ARHGAP26: variants seen among roughly 807,000 people sequenced by gnomAD.
ARHGAP26 encodes Rho GTPase activating protein 26.
ARHGAP26 carries 38 observed loss-of-function variants against 104.8 expected under a neutral mutation model. That is an observed-to-expected ratio of 0.36 (90% CI 0.28 to 0.48). The LOEUF is 0.48. Among genes scored for constraint, ARHGAP26 ranks in the 20% least tolerant of loss-of-function variants. The probability of loss-of-function intolerance (pLI) is 0.99; values close to 1 mark genes in which losing one functional copy is unlikely to be tolerated. For synonymous variants in ARHGAP26, 341 were observed against 340.0 expected (o/e 1.00, Z -0.03); for missense variants, 704 against 947.9 (o/e 0.74, Z 3.38).
Position 143,012,339 on chromosome 5 carries a change from T to C in ARHGAP26, c.1108-1741T>C, listed in dbSNP as rs377307154. ...TGAGGCAATAGATGCCCAGAGAGGC[T>C]AAGAGACCCAGTGACACAAAGCAGC... On this transcript the variant is annotated intron_variant, in intron 11 of 22. Coordinates refer to ENST00000645722, the MANE Select transcript of ARHGAP26 (RefSeq NM_001135608.3). 2.3e-4 allele frequency among the ~76,000 whole-genome samples: 35 copies of C among 150,904 alleles called. 1 individual carries two copies. Among genetic ancestry groups the C allele is most frequent in the African/African-American group, 8.0e-4 (33 of 41,210 alleles).
chr5:142,940,480 A>G (rs933268641), intron 11 of ARHGAP26, among the ~76,000 whole-genome samples: 5 of 151,906 alleles, frequency 3.3e-5, no homozygotes, highest in African/African-American at 1.2e-4. Flanking sequence ...CCCGCCCTCC[A>G]CTGTCAAGTA....
At chr5:143,051,039 C>T (rs1784935777) in intron 14 of ARHGAP26, among the ~76,000 whole-genome samples, 1 of 152,108 alleles carries the variant, frequency 6.6e-6, no homozygotes, top group Non-Finnish European at 1.5e-5. Context: ...TAGCAGTTGC[C>T]TCTACCTTTT....
intron 20 of ARHGAP26, among the ~76,000 whole-genome samples, chr5:143,183,501 C>T (rs1045196132): frequency 2.0e-5 from 3 of 152,174 alleles, no homozygotes; most frequent in Non-Finnish European, 2.9e-5. Context: ...TTGGTGCTAA[C>T]CCACCGGGAG....
intron 10 of ARHGAP26, chr5:142,919,205 A>G (rs1469451008): frequency 2.5e-6 from 1 of 398,448 alleles, no homozygotes. Flanking sequence ...TTGTCCTTGT[A>G]AAAAGGGGAA....
At chr5:143,130,104 T>C (rs1797154610) in intron 18 of ARHGAP26, among the ~76,000 whole-genome samples, 1 of 152,162 alleles carries the variant, frequency 6.6e-6, no homozygotes, top group South Asian at 2.1e-4. Context: ...TGCTGCCCAC[T>C]GAATGAGAAG....
intron 10 of ARHGAP26, among the ~76,000 whole-genome samples, chr5:142,928,081 T>C (rs1310270408): frequency 6.6e-6 from 1 of 152,218 alleles, no homozygotes; most frequent in East Asian, 1.9e-4. Context: ...ATTACAGATA[T>C]CTTCTCTCAC....
intron 20 of ARHGAP26, 43 bp downstream of exon 20, chr5:143,147,424 C>T (rs1799302268): frequency 6.3e-7 from 1 of 1,586,814 alleles, no homozygotes. Context: ...GGGCTTTGGT[C>T]AGCCATTCCA....
intron 21 of ARHGAP26, among the ~76,000 whole-genome samples, chr5:143,207,699 C>T (rs1243507272): frequency 6.6e-6 from 1 of 152,248 alleles, no homozygotes; most frequent in Non-Finnish European, 1.5e-5. Context: ...ACCTCCTGAA[C>T]CAGACTCTGG....
intron 17 of ARHGAP26, among the ~76,000 whole-genome samples, chr5:143,090,869 A>G (rs1232516010): frequency 6.6e-6 from 1 of 152,212 alleles, no homozygotes; most frequent in African/African-American, 2.4e-5. Context: ...ATCTCCCCAG[A>G]TTAAATGGTC....
At chr5:143,130,300 T>C (rs761853116) in intron 18 of ARHGAP26, among the ~76,000 whole-genome samples, 3 of 152,252 alleles carry the variant, frequency 2.0e-5, no homozygotes, top group Non-Finnish European at 4.4e-5. Flanking sequence ...TTTACAATTT[T>C]ATTCCCCAAT....
At chr5:143,104,233 G>C (rs1233856832) in intron 17 of ARHGAP26, among the ~76,000 whole-genome samples, 1 of 152,114 alleles carries the variant, frequency 6.6e-6, no homozygotes, top group East Asian at 1.9e-4. Flanking sequence ...ATGCTGGCTA[G>C]GCACAGTGAC....
intron 1 of ARHGAP26, among the ~76,000 whole-genome samples, chr5:142,803,728 C>T (rs1185386013): frequency 6.6e-6 from 1 of 152,182 alleles, no homozygotes; most frequent in Non-Finnish European, 1.5e-5. Flanking sequence ...CTGGTGGCAT[C>T]TGGGGATGTG....
At chr5:143,141,007 T>G (rs1016934275) in intron 19 of ARHGAP26, among the ~76,000 whole-genome samples, 1 of 152,254 alleles carries the variant, frequency 6.6e-6, no homozygotes, top group Non-Finnish European at 1.5e-5. Context: ...CTGTAGCATG[T>G]GCCCTTTCTC....
At chr5:142,813,371 G>A (rs1372245441) in intron 1 of ARHGAP26, among the ~76,000 whole-genome samples, 4 of 152,218 alleles carry the variant, frequency 2.6e-5, no homozygotes, top group Non-Finnish European at 4.4e-5. Context: ...TGGCCTGATA[G>A]GACTTTTGTG....
chr5:142,920,113 T>C (rs888001321), intron 10 of ARHGAP26, among the ~76,000 whole-genome samples: 7 of 152,220 alleles, frequency 4.6e-5, no homozygotes, highest in African/African-American at 7.2e-5. Context: ...TAATTTATAT[T>C]GGTTAATTGA....
intron 17 of ARHGAP26, among the ~76,000 whole-genome samples, chr5:143,088,480 A>T (rs1277608839): frequency 1.3e-5 from 2 of 152,078 alleles, no homozygotes; most frequent in Non-Finnish European, 2.9e-5. Flanking sequence ...TAAAAAAAAA[A>T]AGTGGTTATG....
At chr5:142,877,154 A>G (rs1221527255) in intron 3 of ARHGAP26, among the ~76,000 whole-genome samples, 1 of 152,152 alleles carries the variant, frequency 6.6e-6, no homozygotes, top group African/African-American at 2.4e-5. Flanking sequence ...CAATTTTATT[A>G]TTAATGTCAG....
intron 17 of ARHGAP26, among the ~76,000 whole-genome samples, chr5:143,114,026 C>T (rs547073290): frequency 2.3e-4 from 35 of 152,312 alleles, no homozygotes; most frequent in African/African-American, 8.2e-4. Flanking sequence ...CAGTGCTTCT[C>T]TTTCCTCATT....
rs79736646 is a variant in ARHGAP26 at position 142,984,558 on chromosome 5, C to A, written c.1108-29522C>A. Among the ~76,000 whole-genome samples, 502 of 152,212 alleles carry A rather than the reference C, an allele frequency of 3.3e-3. 16 individuals carry two copies. The East Asian group carries it at 0.054, about 16-fold the overall frequency. ...ATCTGTGCATTCATCTCTCAGTGGG[C>A]TGCTATACATGATTCTTTTCTTAGC... On this transcript the variant is annotated intron_variant, in intron 11 of 22. Coordinates refer to ENST00000645722, the MANE Select transcript of ARHGAP26 (RefSeq NM_001135608.3).
Sources: allele counts gnomAD v4.1 joint callset (sites outside exome capture counted in the v4.1 genomes callset), GRCh38; gene constraint gnomAD v4.1.1; transcripts MANE v1.5; gene names NCBI Gene and HGNC (gene_info 2026-07-23, HGNC 2026-07-21).